DOCK1: variants seen among roughly 807,000 people sequenced by gnomAD.
The protein encoded by DOCK1 is dedicator of cytokinesis protein 1.
DOCK1 carries 138 observed loss-of-function variants against 262.7 expected under a neutral mutation model. The ratio of observed to expected loss-of-function variants is 0.53; its 90% CI spans 0.46 to 0.61. The LOEUF (loss-of-function observed/expected upper bound fraction) is 0.61. DOCK1 is among the 20% of genes least tolerant of loss of function. DOCK1 has a pLI of 0.00. For synonymous variants in DOCK1, 866 were observed against 867.4 expected (o/e 1.00, Z 0.03); for missense variants, 1,908 against 2,370.7 (o/e 0.80, Z 4.05).
In DOCK1 at chr10:127,409,369, C is replaced by T; in HGVS notation, c.4321C>T (p.Pro1441Ser). The change falls in exon 42 of 52, where the codon CCA becomes TCA. Residue 1441 changes from proline to serine, a missense_variant. Pro to Ser is a moderately conservative substitution (Grantham distance 74). Around this residue, in one of 9 missense-constraint regions of DOCK1, gnomAD observed 267 missense variants for 366.3 expected, o/e 0.73. Coordinates refer to ENST00000623213, the MANE Select transcript of DOCK1 (RefSeq NM_001290223.2). ...CGATCTGCCTCCTAAGTTTCACAGG[C>T]CAGTGTCAGAGCAGATTGTAAGGTA... ...KLDLPPKFHR[P>S]VSEQIVSFYR... The T allele has an allele frequency of 6.2e-7, 1 of 1,613,930 alleles. No individual in the cohort carries two copies.
At chr10:127,286,080 C>T (rs542541651) in intron 29 of DOCK1, among the ~76,000 whole-genome samples, 7 of 152,274 alleles carry the variant, frequency 4.6e-5, no homozygotes, top group African/African-American at 1.7e-4. Flanking sequence ...TGCAATCCCC[C>T]TTTCCTGTGT....
At chr10:127,151,903 C>T (rs2052527361) in intron 27 of DOCK1, among the ~76,000 whole-genome samples, 1 of 152,282 alleles carries the variant, frequency 6.6e-6, no homozygotes, top group South Asian at 2.1e-4. Flanking sequence ...GATTTCTGTC[C>T]TTCAGAGACT....
At chr10:127,109,302 T>C (rs1265363590) in intron 24 of DOCK1, among the ~76,000 whole-genome samples, 1 of 152,250 alleles carries the variant, frequency 6.6e-6, no homozygotes, top group African/African-American at 2.4e-5. Context: ...TGTGTTTATG[T>C]AGTTACTAAC....
chr10:126,990,739 T>C (rs2039730673), intron 6 of DOCK1, 136 bp downstream of exon 6: 1 of 1,173,632 alleles, frequency 8.5e-7, no homozygotes, highest in East Asian at 2.6e-5. Flanking sequence ...TGTTTTTCAT[T>C]TTGAAAAGGA....
chr10:127,390,353 C>CA (rs967070921), intron 38 of DOCK1, among the ~76,000 whole-genome samples: 1 of 152,054 alleles, frequency 6.6e-6, no homozygotes, highest in African/African-American at 2.4e-5. Flanking sequence ...AGACCAAGTA[C>CA]AAAAAAACAA....
chr10:127,049,202 C>T (rs963691026), intron 21 of DOCK1, among the ~76,000 whole-genome samples: 2 of 152,116 alleles, frequency 1.3e-5, no homozygotes, highest in Non-Finnish European at 2.9e-5. Context: ...TGGTACAGTA[C>T]AGTACACTTT....
At chr10:127,013,130 G>T (rs2041598264) in intron 12 of DOCK1, among the ~76,000 whole-genome samples, 1 of 152,318 alleles carries the variant, frequency 6.6e-6, no homozygotes, top group Admixed American at 6.5e-5. Context: ...AGGAGAATGT[G>T]AATTGAGCCT....
intron 35 of DOCK1, among the ~76,000 whole-genome samples, chr10:127,375,490 G>T (rs180998337): frequency 6.6e-6 from 1 of 152,348 alleles, no homozygotes; most frequent in Admixed American, 6.5e-5. Flanking sequence ...GGACTTGTGG[G>T]TGCTTTATGC....
At chr10:127,050,202 G>C (rs56031648) in intron 21 of DOCK1, among the ~76,000 whole-genome samples, 69,172 of 150,650 alleles carry the variant, frequency 0.46, 16,040 homozygotes, top group Middle Eastern at 0.55. Flanking sequence ...TGGAATTCCT[G>C]GTGTCAAAGG....
intron 4 of DOCK1, among the ~76,000 whole-genome samples, chr10:126,985,055 A>C (rs1413458579): frequency 5.8e-5 from 8 of 138,814 alleles, no homozygotes; most frequent in Non-Finnish European, 1.2e-4. Context: ...ATCTCCGCTC[A>C]CTGCAACCTC....
intron 8 of DOCK1, chr10:126,998,453 G>A (rs568509746): frequency 1.8e-6 from 1 of 559,738 alleles, no homozygotes; most frequent in Non-Finnish European, 3.1e-6. Flanking sequence ...CTTCTTGCGT[G>A]TAGATTGCTA....
intron 30 of DOCK1, 34 bp downstream of exon 30, chr10:127,339,118 A>G: frequency 6.6e-7 from 1 of 1,523,324 alleles, no homozygotes; most frequent in Non-Finnish European, 8.9e-7. Flanking sequence ...CTTTGTGGAG[A>G]AATCATGTTA....
chr10:127,347,491 A>C (rs1170509961), intron 31 of DOCK1, among the ~76,000 whole-genome samples: 1 of 152,202 alleles, frequency 6.6e-6, no homozygotes, highest in African/African-American at 2.4e-5. Flanking sequence ...GCCACGGGAC[A>C]TCGAGTGCCA....
intron 38 of DOCK1, among the ~76,000 whole-genome samples, chr10:127,396,704 G>A (rs2066870289): frequency 7.3e-6 from 1 of 137,152 alleles, no homozygotes; most frequent in Admixed American, 8.2e-5. Flanking sequence ...GTCTTTCTTT[G>A]CAAAACTACA....
chr10:126,936,730 G>C (rs1187571325), intron 1 of DOCK1, among the ~76,000 whole-genome samples: 2 of 152,180 alleles, frequency 1.3e-5, no homozygotes, highest in Non-Finnish European at 2.9e-5. Flanking sequence ...TTCCCAAACT[G>C]TTCCCTGGTG....
intron 1 of DOCK1, among the ~76,000 whole-genome samples, chr10:126,917,677 G>A (rs2032662564): frequency 6.6e-6 from 1 of 152,152 alleles, no homozygotes; most frequent in African/African-American, 2.4e-5. Flanking sequence ...GTTCCACCCC[G>A]GGCTGTGGGG....
intron 27 of DOCK1, among the ~76,000 whole-genome samples, chr10:127,194,938 C>A (rs1234182748): frequency 1.3e-5 from 2 of 152,190 alleles, no homozygotes; most frequent in African/African-American, 4.8e-5. Context: ...GGGCCCAGAG[C>A]GCGTGCAGCT....
At chr10:127,397,915 C>A (rs561309315) in intron 38 of DOCK1, among the ~76,000 whole-genome samples, 1 of 152,128 alleles carries the variant, frequency 6.6e-6, no homozygotes, top group Admixed American at 6.5e-5. Context: ...GGTCATGGCT[C>A]CTGGATGACA....
chr10:127,437,677 C>G lies in DOCK1; in HGVS notation c.5061-1350C>G, dbSNP rs1220935595. Among the ~76,000 whole-genome samples the G allele has an allele frequency of 2.6e-5, 4 of 152,108 alleles. No homozygotes were observed. Among genetic ancestry groups the G allele is most frequent in the Admixed American group, 2.6e-4 (4 of 15,264 alleles). On this transcript the variant is annotated intron_variant, in intron 48 of 51. Transcript: ENST00000623213. The surrounding 1 kb of genome is among the most constrained non-coding windows in gnomAD (Gnocchi z 4.4). ...TACGTTTTATCGAGACTGGATCTTG[C>G]CATGTTGGCCAGGCTGGTCTCGAAC...
Sources: gnomAD v4.1 joint callset for allele counts (sites outside exome capture counted in the v4.1 genomes callset) on GRCh38, gnomAD v4.1.1 for gene constraint, gnomAD v4.1.1 regional missense constraint, Gnocchi (gnomAD v3.1) non-coding constraint, MANE v1.5 for transcripts, NCBI Gene and HGNC (gene_info 2026-07-23, HGNC 2026-07-21) for gene names.